Variants in TBK1 observed in about 807,000 individuals in gnomAD.
The protein encoded by TBK1 is serine/threonine-protein kinase TBK1.
Under a neutral mutation model 99.9 loss-of-function variants are expected in TBK1, and 37 were observed. The observed-to-expected ratio is 0.37, with a 90% CI of 0.28 to 0.49. The LOEUF is 0.49. Among genes scored for constraint, TBK1 ranks in the 20% least tolerant of loss-of-function variants. TBK1 has a pLI of 0.98. For synonymous variants in TBK1, 258 were observed against 279.8 expected, an observed-to-expected ratio of 0.92 and a Z score of 0.78; for missense variants, 644 against 872.5, an observed-to-expected ratio of 0.74 and a Z score of 3.30.
intron 5 of TBK1, among the ~76,000 whole-genome samples, chr12:64,472,955 T>A (rs1163420428): frequency 1.3e-5 from 2 of 152,208 alleles, no homozygotes; most frequent in Admixed American, 1.3e-4. Flanking sequence ...AGATCCCCAG[T>A]GAACCCAGTC....
chr12:64,500,884 G>A (rs531316957), intron 20 of TBK1, among the ~76,000 whole-genome samples: 19 of 149,192 alleles, frequency 1.3e-4, no homozygotes, highest in South Asian at 2.1e-4. Context: ...TCAGCCTCCC[G>A]AGTAGCTGGG....
chr12:64,457,747 TTAGA>T (rs2040504793), intron 2 of TBK1, among the ~76,000 whole-genome samples: 2 of 152,196 alleles, frequency 1.3e-5, no homozygotes, highest in African/African-American at 2.4e-5. Context: ...CTTTCCTTAC[TTAGA>T]TACTCAGTGT....
chr12:64,468,415 T>C (rs1457327626), intron 5 of TBK1, among the ~76,000 whole-genome samples: 1 of 150,922 alleles, frequency 6.6e-6, no homozygotes, highest in Non-Finnish European at 1.5e-5. Context: ...TGTCTGAACC[T>C]GGGAGGTGGA....
rs2040816965 is a variant in TBK1 at position 64,486,004 on chromosome 12, A to T, written c.1327A>T (p.Ile443Leu). Residue 443 changes from isoleucine to leucine, a missense_variant, in exon 11 of 21, where the codon ATA becomes TTA. Physicochemically the swap from Ile to Leu is conservative, Grantham distance 5 (BLOSUM62 2). Transcript: ENST00000331710. ...LLYQELMRKG[I>L]RWLIELIKDD... The stretch of plus-strand genomic sequence containing the variant: ...TTATCAGGAATTAATGCGAAAGGGG[A>T]TACGATGGCTGATGTAAGTAATAGA... 1.3e-6 allele frequency: 2 copies of T among 1,586,086 alleles called. No homozygotes were observed. Among genetic ancestry groups the T allele is most frequent in the Middle Eastern group, 1.7e-4 (1 of 6,016 alleles).
intron 6 of TBK1, among the ~76,000 whole-genome samples, chr12:64,479,469 A>G (rs2040746427): frequency 6.6e-6 from 1 of 152,220 alleles, no homozygotes; most frequent in Non-Finnish European, 1.5e-5. Context: ...AATTTGCTCA[A>G]AGCACATTTA....
At chr12:64,474,006 A>G (rs1405913735) in intron 5 of TBK1, among the ~76,000 whole-genome samples, 2 of 152,134 alleles carry the variant, frequency 1.3e-5, no homozygotes, top group Non-Finnish European at 2.9e-5. Context: ...GATTCCTTCC[A>G]TTTCCACATT....
intron 13 of TBK1, among the ~76,000 whole-genome samples, chr12:64,491,051 GTC>G (rs1479026677): frequency 2.6e-5 from 4 of 152,020 alleles, no homozygotes; most frequent in African/African-American, 9.7e-5. Flanking sequence ...TAGGACACAA[GTC>G]TCTACTCTGC....
At chr12:64,482,137 A>C in intron 8 of TBK1, 116 bp downstream of exon 8, 1 of 594,740 alleles carries the variant, frequency 1.7e-6, no homozygotes, top group Non-Finnish European at 2.5e-6. Flanking sequence ...CATTTCCCAC[A>C]TGGAAAATTA....
At position 64,455,832 on chromosome 12, in the gene TBK1, T is replaced by C; in HGVS notation, c.-31-8T>C. The C allele has an allele frequency of 6.5e-7, 1 of 1,539,288 alleles. No homozygotes were observed. The highest frequency in any genetic ancestry group is 8.8e-7 in the Non-Finnish European group (1 of 1,136,380). On this transcript the variant is annotated splice_region_variant and splice_polypyrimidine_tract_variant and intron_variant, in intron 1 of 20. Coordinates refer to ENST00000331710, the MANE Select transcript of TBK1 (RefSeq NM_013254.4). The stretch of plus-strand genomic sequence containing the variant: ...AAAACATAGTTGCAAATTTTTTTTT[T>C]CTCTTAGTATAACAAGAGGATTGCC...
intron 13 of TBK1, 143 bp from the exon 14 acceptor site, chr12:64,495,340 A>T: frequency 9.3e-7 from 1 of 1,072,756 alleles, no homozygotes; most frequent in Non-Finnish European, 1.3e-6. Context: ...ACTCTTTTGT[A>T]TTTAAAAATG....
rs923954714 is a variant in TBK1 at position 64,473,030 on chromosome 12, C to T, written c.541-1200C>T. Among the ~76,000 whole-genome samples, 4 of 152,128 alleles carry T rather than the reference C, an allele frequency of 2.6e-5. No individual in the cohort carries two copies. The East Asian group carries it at 7.7e-4, about 29-fold the overall frequency. The stretch of plus-strand genomic sequence containing the variant: ...ATTAAATTAAATGCACTTACCCTGA[C>T]AGATTGCATTTGAGGGATAAGGCAA... On this transcript the variant is annotated intron_variant, in intron 5 of 20. Transcript: ENST00000331710.
At chr12:64,473,787 A>G (rs1231368861) in intron 5 of TBK1, among the ~76,000 whole-genome samples, 1 of 152,140 alleles carries the variant, frequency 6.6e-6, no homozygotes, top group Non-Finnish European at 1.5e-5. Context: ...AAATACAAAA[A>G]TTAGCTAGGC....
intron 20 of TBK1, among the ~76,000 whole-genome samples, chr12:64,498,247 C>T (rs886134263): frequency 6.6e-6 from 1 of 152,160 alleles, no homozygotes; most frequent in Non-Finnish European, 1.5e-5. Context: ...AATCGAATTA[C>T]TTATTTGAAT....
intron 4 of TBK1, among the ~76,000 whole-genome samples, chr12:64,466,027 T>C (rs2040600071): frequency 6.6e-6 from 1 of 152,116 alleles, no homozygotes; most frequent in Admixed American, 6.5e-5. Context: ...AGTGATAAGG[T>C]AAAAGGTTGG....
chr12:64,452,678 A>G (rs1467698687), intron 1 of TBK1: 1 of 152,234 alleles, frequency 6.6e-6, no homozygotes, highest in Non-Finnish European at 1.5e-5. Context: ...ACGTTTCCTT[A>G]GAGTTTTAGT....
At chr12:64,495,959 A>G in intron 15 of TBK1, 184 bp downstream of exon 15, 1 of 539,818 alleles carries the variant, frequency 1.9e-6, no homozygotes, top group Non-Finnish European at 3.2e-6. Flanking sequence ...CTTAAAATCA[A>G]CCTTTTGAAT....
chr12:64,466,888 TA>T lies in TBK1; in HGVS notation c.359-12del, dbSNP rs1565814445. 1.9e-6 allele frequency: 3 copies of T among 1,540,318 alleles called. No homozygotes were observed. The African/African-American group carries it at 4.1e-5, about 21-fold the overall frequency. On this transcript the variant is annotated splice_polypyrimidine_tract_variant and intron_variant, in intron 4 of 20. Transcript: ENST00000331710. ...ATCTACATTATGACTTCTTTTGTTT[TA>T]TATTGTTGAAGTGGGTGGAATGAAT...
chr12:64,500,753 C>CTTTTTTTTTTTTTTTTTTTTTTTTTTTT, intron 20 of TBK1, among the ~76,000 whole-genome samples: 1 of 98,966 alleles, frequency 1.0e-5, no homozygotes, highest in Non-Finnish European at 2.0e-5. Flanking sequence ...AACTCGGTAT[C>CTTTTTTTTTTTTTTTTTTTTTTTTTTTT]TTTTTTTTTT....
intron 5 of TBK1, among the ~76,000 whole-genome samples, chr12:64,473,458 C>T (rs1242031493): frequency 6.6e-6 from 1 of 152,006 alleles, no homozygotes; most frequent in Non-Finnish European, 1.5e-5. Flanking sequence ...TGTTTGTAAG[C>T]AGAAAGTAAT....
Sources: allele counts gnomAD v4.1 joint callset (sites outside exome capture counted in the v4.1 genomes callset), GRCh38; gene constraint gnomAD v4.1.1; transcripts MANE v1.5; gene names NCBI Gene and HGNC (gene_info 2026-07-23, HGNC 2026-07-21).